The following WWC1 variants were observed in gnomAD, a reference collection of about 807,000 sequenced individuals.
The protein encoded by WWC1 is protein KIBRA.
Under a neutral mutation model 138.4 loss-of-function variants are expected in WWC1, and 55 were observed. The ratio of observed to expected loss-of-function variants is 0.40; its 90% CI spans 0.32 to 0.50. The LOEUF is 0.50. Among genes scored for constraint, WWC1 ranks in the 20% least tolerant of loss-of-function variants. The pLI, the probability that WWC1 is intolerant of heterozygous loss-of-function variation, is 0.72. For synonymous variants in WWC1, 524 were observed against 564.9 expected (o/e 0.93, Z 1.03); for missense variants, 1,226 against 1,420.4 (o/e 0.86, Z 2.20).
At chr5:168,448,636 T>TTTTTG (rs1755506742) in intron 17 of WWC1, among the ~76,000 whole-genome samples, 1 of 144,330 alleles carries the variant, frequency 6.9e-6, no homozygotes, top group African/African-American at 2.6e-5. Context: ...TTTTTTTTTT[T>TTTTTG]GAGACGGAGT....
chr5:168,394,489 G>GC (rs1561700739), intron 3 of WWC1, among the ~76,000 whole-genome samples: 1 of 146,734 alleles, frequency 6.8e-6, no homozygotes, highest in African/African-American at 2.8e-5. Flanking sequence ...CACTTGGGGG[G>GC]CCGAGGCGGG....
chr5:168,389,592 TTTTTG>T (rs1174610834), intron 3 of WWC1, among the ~76,000 whole-genome samples: 1,009 of 81,588 alleles, frequency 0.012, 6 homozygotes, highest in African/African-American at 0.056. Flanking sequence ...AACTATTGAA[TTTTTG>T]TTTTTTTTTT....
Position 168,372,036 on chromosome 5 carries a change from AGAGAGAAAG to A in WWC1, c.229+504_229+512del, listed in dbSNP as rs1776790455. Among the ~76,000 whole-genome samples, 31 of 138,740 alleles carry A rather than the reference AGAGAGAAAG, an allele frequency of 2.2e-4. 1 individual carries two copies. The South Asian group carries it at 7.5e-3, about 33-fold the overall frequency. The allele number at this position is 138,740 out of a possible 152,430, so 91.0% of individuals were successfully genotyped here. A position where few individuals can be genotyped will look rare whatever the true frequency, so the allele number is the denominator to read the frequency against. ...TAGTGAATTGGCGAGAGAGAGAGAGAGAGAGAAAGAGTGTGTTTGTGTGTGTGTGTGTGT... is the reference window on the plus strand; with the variant it reads ...TAGTGAATTGGCGAGAGAGAGAGAGAAGTGTGTTTGTGTGTGTGTGTGTGT... On this transcript the variant is annotated intron_variant, in intron 2 of 22. Coordinates refer to ENST00000265293, the MANE Select transcript of WWC1 (RefSeq NM_015238.3).
chr5:168,451,352 G>A lies in WWC1; in HGVS notation c.2526-2616G>A, dbSNP rs567474990. On this transcript the variant is annotated intron_variant, in intron 17 of 22. Coordinates refer to ENST00000265293, the MANE Select transcript of WWC1 (RefSeq NM_015238.3). ...CCTGATTTTTAAGGGGCTGGAGATTGTAACAGACACTTCACCTGGGAAGAT... is the reference window on the plus strand; with the variant it reads ...CCTGATTTTTAAGGGGCTGGAGATTATAACAGACACTTCACCTGGGAAGAT... Among the ~76,000 whole-genome samples, 5 of 152,232 alleles carry A rather than the reference G, an allele frequency of 3.3e-5. No homozygotes were observed. In the East Asian group the frequency reaches 9.6e-4, roughly 29 times the overall value.
chr5:168,332,653 G>T (rs1406157648), intron 1 of WWC1, among the ~76,000 whole-genome samples: 1 of 151,996 alleles, frequency 6.6e-6, no homozygotes, highest in African/African-American at 2.4e-5. Context: ...GGAGGGAAAA[G>T]TTTCTTGTTA....
intron 1 of WWC1, among the ~76,000 whole-genome samples, chr5:168,347,161 G>A (rs934957858): frequency 6.6e-6 from 1 of 152,150 alleles, no homozygotes; most frequent in African/African-American, 2.4e-5. Context: ...GAGTGACAAG[G>A]GTCCTCCTCA....
chr5:168,315,137 A>G (rs544901320), intron 1 of WWC1, among the ~76,000 whole-genome samples: 13 of 151,852 alleles, frequency 8.6e-5, no homozygotes, highest in South Asian at 2.1e-4. Flanking sequence ...GGAACATTCC[A>G]GGAAAATAAA....
At position 168,313,028 on chromosome 5, in the gene WWC1, G is replaced by A. The variant is rs144786115; in HGVS notation, c.119+20757G>A. The stretch of plus-strand genomic sequence containing the variant: ...TCGTCATGTTTGCCAGGCTGGTCTC[G>A]AAGTCCTGACCTCAAGTGATTCACC... On this transcript the variant is annotated intron_variant, in intron 1 of 22. Transcript: ENST00000265293. 5.1e-3 allele frequency among the ~76,000 whole-genome samples: 779 copies of A among 151,876 alleles called. 4 individuals carry two copies. The highest frequency in any genetic ancestry group is 0.018 in the African/African-American group (736 of 41,436).
chr5:168,336,390 G>T (rs974389033), intron 1 of WWC1, among the ~76,000 whole-genome samples: 3 of 152,020 alleles, frequency 2.0e-5, no homozygotes, highest in African/African-American at 4.8e-5. Context: ...GGTCAATGTG[G>T]TGAAACCCCG....
chr5:168,355,746 C>T (rs978582011), intron 1 of WWC1, among the ~76,000 whole-genome samples: 5 of 151,970 alleles, frequency 3.3e-5, no homozygotes, highest in African/African-American at 1.2e-4. Context: ...TTGGAGCAAC[C>T]GAGTGACAAG....
At chr5:168,420,385 A>G (rs773316420) in intron 9 of WWC1, among the ~76,000 whole-genome samples, 13 of 152,088 alleles carry the variant, frequency 8.5e-5, no homozygotes, top group Non-Finnish European at 1.6e-4. Context: ...CACCAGTCAT[A>G]CTGGATTAGA....
At chr5:168,429,471 C>T (rs1003889117) in intron 13 of WWC1, among the ~76,000 whole-genome samples, 1 of 152,058 alleles carries the variant, frequency 6.6e-6, no homozygotes, top group Non-Finnish European at 1.5e-5. Context: ...GTTGGCCAGG[C>T]TAGTCTCAAA....
chr5:168,456,751 A>G (rs1032456649), intron 19 of WWC1, among the ~76,000 whole-genome samples: 3 of 151,178 alleles, frequency 2.0e-5, no homozygotes, highest in African/African-American at 7.3e-5. Flanking sequence ...GTAGAAATCA[A>G]ACACAAAGAG....
At chr5:168,428,536 A>G (rs1409596116) in intron 12 of WWC1, among the ~76,000 whole-genome samples, 171 bp from the exon 13 acceptor site, 2 of 152,172 alleles carry the variant, frequency 1.3e-5, no homozygotes, top group Non-Finnish European at 2.9e-5. Flanking sequence ...CCTGGGCAAC[A>G]TAGTGAGCCC....
chr5:168,456,430 C>T (rs1300719098), intron 19 of WWC1, among the ~76,000 whole-genome samples: 6 of 152,228 alleles, frequency 3.9e-5, no homozygotes, highest in East Asian at 3.9e-4. Flanking sequence ...GCCAGGAGTT[C>T]GAGACCAGCC....
At chr5:168,331,021 G>A (rs879648939) in intron 1 of WWC1, among the ~76,000 whole-genome samples, 43 of 152,114 alleles carry the variant, frequency 2.8e-4, no homozygotes, top group Non-Finnish European at 4.7e-4. Flanking sequence ...CCCACTTCTC[G>A]AGGGGGTCAT....
intron 1 of WWC1, among the ~76,000 whole-genome samples, chr5:168,306,683 G>T (rs1420931428): frequency 5.3e-5 from 8 of 152,150 alleles, no homozygotes. Flanking sequence ...TGCAACCTCT[G>T]CCTCCTGGGT....
intron 2 of WWC1, among the ~76,000 whole-genome samples, chr5:168,372,980 C>G (rs1224421910): frequency 6.6e-6 from 1 of 152,286 alleles, no homozygotes; most frequent in African/African-American, 2.4e-5. Flanking sequence ...TTGTTGGCAC[C>G]AAAGTGTAGA....
chr5:168,421,684 A>G (rs1453496751), intron 9 of WWC1, among the ~76,000 whole-genome samples: 1 of 152,210 alleles, frequency 6.6e-6, no homozygotes, highest in Non-Finnish European at 1.5e-5. Context: ...CCACAGCTTT[A>G]GGTAAATTAT....
Sources: gnomAD v4.1 joint callset for allele counts (sites outside exome capture counted in the v4.1 genomes callset) on GRCh38, gnomAD v4.1.1 for gene constraint, MANE v1.5 for transcripts, NCBI Gene and HGNC (gene_info 2026-07-23, HGNC 2026-07-21) for gene names.